Variants in EFHD1 observed in about 807,000 individuals in gnomAD.
EFHD1 encodes the protein EF-hand domain-containing protein D1.
Under a neutral mutation model 17.2 loss-of-function variants are expected in EFHD1, and 10 were observed. That is an observed-to-expected ratio of 0.58 (90% confidence interval 0.36 to 0.99). The LOEUF is 0.99. EFHD1 is among the 50% of genes least tolerant of loss of function. EFHD1 has a pLI of 0.01. For synonymous variants in EFHD1, 153 were observed against 142.0 expected (o/e 1.08, Z -0.55); for missense variants, 310 against 327.5 (o/e 0.95, Z 0.41).
chr2:232,616,832 G>A (rs1007375898), intron 1 of EFHD1, among the ~76,000 whole-genome samples: 1 of 152,168 alleles, frequency 6.6e-6, no homozygotes, highest in Non-Finnish European at 1.5e-5. Context: ...AATTTTAGCT[G>A]TAATTTACCA....
At chr2:232,630,781 T>C (rs533375811), upstream of EFHD1, among the ~76,000 whole-genome samples, 57 of 82,320 alleles carry the variant, frequency 6.9e-4, no homozygotes, top group Non-Finnish European at 1.0e-3. Flanking sequence ...ATCTCATCTC[T>C]ATTAAAAAAA....
At chr2:232,647,415 T>C (rs1052548351) in intron 1 of EFHD1, among the ~76,000 whole-genome samples, 3 of 152,232 alleles carry the variant, frequency 2.0e-5, no homozygotes, top group African/African-American at 7.2e-5. Context: ...CCTGGGCCAC[T>C]GCACACCCCC....
rs1266444724 is a variant in EFHD1, at chr2:232,633,617, G to A, written c.-88G>A. 6.7e-5 allele frequency: 90 copies of A among 1,340,730 alleles called. No individual in the cohort carries two copies. The highest frequency in any genetic ancestry group is 8.2e-5 in the Non-Finnish European group (86 of 1,054,484). 83.1% of individuals were successfully genotyped at this position (1,340,730 alleles called of 1,614,324 possible). On this transcript the variant is annotated 5_prime_UTR_variant, in exon 1 of 4. Coordinates refer to ENST00000264059, the MANE Select transcript of EFHD1 (RefSeq NM_025202.4). ...CGCCGCCTCGGCGGAGTGTTGTAGA[G>A]CCTCGAGCCTGCGAGGAGCGCGCCG...
chr2:232,625,477 T>C (rs577313726), intron 1 of EFHD1, among the ~76,000 whole-genome samples: 2 of 152,220 alleles, frequency 1.3e-5, no homozygotes, highest in South Asian at 4.2e-4. Flanking sequence ...CCTGAATATA[T>C]GAGATTTTTC....
At chr2:232,619,312 CTTTTTT>C (rs113872019) in intron 1 of EFHD1, among the ~76,000 whole-genome samples, 2 of 38,112 alleles carry the variant, frequency 5.2e-5, no homozygotes, top group Admixed American at 3.6e-4. Context: ...TTCTTTCTTT[CTTTTTT>C]TTTTTTTTTG....
intron 3 of EFHD1, among the ~76,000 whole-genome samples, chr2:232,677,264 A>ACACACACACACACACACAC (rs1559358074): frequency 1.9e-5 from 1 of 52,946 alleles, no homozygotes; most frequent in African/African-American, 3.9e-5. Context: ...ATCTTTCTAT[A>ACACACACACACACACACAC]ACACACACAT....
At chr2:232,665,048 C>T (rs1694945519) in intron 2 of EFHD1, among the ~76,000 whole-genome samples, 1 of 151,418 alleles carries the variant, frequency 6.6e-6, no homozygotes, top group African/African-American at 2.4e-5. Context: ...AGTAGCTGGA[C>T]CACAGGCACG....
upstream of EFHD1, among the ~76,000 whole-genome samples, chr2:232,629,427 G>C (rs560171115): frequency 4.6e-5 from 7 of 152,116 alleles, no homozygotes; most frequent in African/African-American, 1.7e-4. Flanking sequence ...TCTGATTACA[G>C]TTTTATACAT....
intron 2 of EFHD1, among the ~76,000 whole-genome samples, chr2:232,668,063 GCTGTCT>G (rs1694999011): frequency 6.6e-6 from 1 of 152,132 alleles, no homozygotes; most frequent in African/African-American, 2.4e-5. Context: ...TAGTTCTCTT[GCTGTCT>G]CTTTGTTTTC....
chr2:232,646,428 C>T lies in EFHD1; in HGVS notation c.302+12422C>T, dbSNP rs752572816. On this transcript the variant is annotated intron_variant, in intron 1 of 3. Coordinates refer to ENST00000264059, the MANE Select transcript of EFHD1 (RefSeq NM_025202.4). Reference sequence around the variant, plus strand: ...TTGCTGATTCTCTCTTTTCTCTTCTCTTCTCTTCTTTTTTTTTTTTTTTTT... The same window carrying T: ...TTGCTGATTCTCTCTTTTCTCTTCTTTTCTCTTCTTTTTTTTTTTTTTTTT... Among the ~76,000 whole-genome samples, 5 of 139,718 alleles carry T rather than the reference C, an allele frequency of 3.6e-5. No individual in the cohort carries two copies. In the Admixed American group the frequency reaches 3.7e-4, roughly 10 times the overall value. The allele number at this position is 139,718 out of a possible 152,430, so 91.7% of individuals were successfully genotyped here.
chr2:232,657,648 A>G (rs549164680), intron 1 of EFHD1, among the ~76,000 whole-genome samples: 2 of 151,804 alleles, frequency 1.3e-5, no homozygotes, highest in East Asian at 2.0e-4. Context: ...TGTCTCTACT[A>G]AAAATACAAA....
At chr2:232,632,090 A>G (rs927328551), upstream of EFHD1, among the ~76,000 whole-genome samples, 1 of 152,196 alleles carries the variant, frequency 6.6e-6, no homozygotes, top group Non-Finnish European at 1.5e-5. Flanking sequence ...AATGTGTCAC[A>G]TAAAGTGGTC....
chr2:232,609,146 G>T (rs1693769997), intron 1 of EFHD1, among the ~76,000 whole-genome samples: 1 of 134,890 alleles, frequency 7.4e-6, no homozygotes, highest in Non-Finnish European at 1.5e-5. Flanking sequence ...TGCACCCTCT[G>T]CCTCCTGGGT....
chr2:232,638,057 C>T (rs1262750637), intron 1 of EFHD1: 1 of 210,780 alleles, frequency 4.7e-6, no homozygotes, highest in Non-Finnish European at 9.8e-6. Flanking sequence ...GTTCCCTCTC[C>T]ATTTCCAAGC....
At chr2:232,651,868 A>C (rs1349488087) in intron 1 of EFHD1, among the ~76,000 whole-genome samples, 2 of 152,162 alleles carry the variant, frequency 1.3e-5, no homozygotes, top group East Asian at 3.9e-4. Flanking sequence ...TGTCTTTGTG[A>C]ACTATTTTGG....
Position 232,633,930 on chromosome 2 carries a change from A to C in EFHD1, c.226A>C (p.Arg76=), listed in dbSNP as rs932691280. The C allele has an allele frequency of 1.3e-6, 2 of 1,592,794 alleles. No individual in the cohort carries two copies. The highest frequency in any genetic ancestry group is 8.5e-7 in the Non-Finnish European group (1 of 1,177,426). The change falls in exon 1 of 4, where the codon AGG becomes CGG. Residue 76 remains arginine, a synonymous_variant. Coordinates refer to ENST00000264059, the MANE Select transcript of EFHD1 (RefSeq NM_025202.4). ...GGGCGCTGCGCGGCCCCGGCGCTGC[A>C]GGGTCTTCAACCCCTACACGGAGTT... is the stretch of plus-strand genomic sequence containing the variant. ...NEGAARPRRC[R]VFNPYTEFPE... is the part of the protein sequence containing the mutation.
At chr2:232,607,983 T>C (rs1225442846) in intron 1 of EFHD1, among the ~76,000 whole-genome samples, 2 of 151,912 alleles carry the variant, frequency 1.3e-5, no homozygotes, top group African/African-American at 4.8e-5. Context: ...AGGTAACCAC[T>C]AACAAGATAA....
chr2:232,659,152 A>G (rs1694814163), intron 1 of EFHD1, among the ~76,000 whole-genome samples: 1 of 152,016 alleles, frequency 6.6e-6, no homozygotes, highest in Non-Finnish European at 1.5e-5. Flanking sequence ...CGGTTCCTCA[A>G]AGCTCACCAA....
At position 232,682,755 on chromosome 2, in the gene EFHD1, A is replaced by G. The variant is rs1574741131; in HGVS notation, c.*1036A>G. On this transcript the variant is annotated 3_prime_UTR_variant, in exon 4 of 4. Coordinates refer to ENST00000264059, the MANE Select transcript of EFHD1 (RefSeq NM_025202.4). ...CTTTTGTAACTGCTGTCTTTACAATAAAGAAATCATCTGCCTTTCTATCTT... is the reference window on the plus strand; with the variant it reads ...CTTTTGTAACTGCTGTCTTTACAATGAAGAAATCATCTGCCTTTCTATCTT... 1 of 152,232 alleles carries G rather than the reference A, an allele frequency of 6.6e-6. No individual in the cohort carries two copies. 9.4% of individuals were successfully genotyped at this position (152,232 alleles called of 1,614,324 possible).
Sources: allele counts gnomAD v4.1 joint callset (sites outside exome capture counted in the v4.1 genomes callset), GRCh38; gene constraint gnomAD v4.1.1; transcripts MANE v1.5; gene names NCBI Gene and HGNC (gene_info 2026-07-23, HGNC 2026-07-21).